Variants in FAM185A observed in about 807,000 individuals in gnomAD.
FAM185A encodes the protein family with sequence similarity 185 member A.
A neutral mutation model predicts 45.7 loss-of-function variants in FAM185A; 21 were observed. That is an observed-to-expected ratio of 0.46 (90% CI 0.33 to 0.66). The LOEUF (loss-of-function observed/expected upper bound fraction) is 0.66. Ranked by LOEUF, FAM185A falls within the 30% of genes least tolerant of loss-of-function variation. FAM185A has a pLI of 0.03. For missense variants in FAM185A, 305 were observed against 485.4 expected (o/e 0.63, Z 3.49); for synonymous variants, 117 against 194.0 (o/e 0.60, Z 3.30).
chr7:102,795,709 C>A (rs1796405109), intron 7 of FAM185A, among the ~76,000 whole-genome samples: 1 of 151,794 alleles, frequency 6.6e-6, no homozygotes, highest in Non-Finnish European at 1.5e-5. Context: ...TCCCACCAGA[C>A]TGGAAAGAAA....
chr7:102,827,643 A>G, the FAM185A span, among the ~76,000 whole-genome samples: 10 of 151,886 alleles, frequency 6.6e-5, no homozygotes, highest in African/African-American at 2.4e-4. Flanking sequence ...ATCATTTAAC[A>G]TTAGGTATAT....
chr7:102,759,522 A>G (rs1318488724), intron 3 of FAM185A, among the ~76,000 whole-genome samples: 1 of 152,076 alleles, frequency 6.6e-6, no homozygotes, highest in East Asian at 1.9e-4. Flanking sequence ...TACTTGTGAA[A>G]TCTATTAACT....
At chr7:102,826,952 A>G in the FAM185A span, 4 of 297,956 alleles carry the variant, frequency 1.3e-5, no homozygotes, top group Non-Finnish European at 1.5e-5. Context: ...CTATCGTATT[A>G]TTTTCATTTA....
intron 6 of FAM185A, among the ~76,000 whole-genome samples, chr7:102,779,444 C>CAG (rs1386941298): frequency 1.3e-5 from 2 of 152,142 alleles, no homozygotes; most frequent in Non-Finnish European, 2.9e-5. Flanking sequence ...CATTTAAGGA[C>CAG]AGAGACAAGT....
the FAM185A span, among the ~76,000 whole-genome samples, chr7:102,834,203 TA>T: frequency 6.6e-6 from 1 of 151,010 alleles, no homozygotes; most frequent in African/African-American, 2.4e-5. Flanking sequence ...AGAATTATTA[TA>T]ATTATCTACA....
At chr7:102,764,124 T>C (rs1794252018) in intron 4 of FAM185A, among the ~76,000 whole-genome samples, 1 of 151,884 alleles carries the variant, frequency 6.6e-6, no homozygotes, top group Non-Finnish European at 1.5e-5. Context: ...TTTCAAATTA[T>C]AGTTACTTTC....
Position 102,749,169 on chromosome 7 carries a change from T to A in FAM185A, c.-39T>A. ...TGGCCGTGGCAAGTGACCCTCCCTG[T>A]GGCTGAAGTGTTCTGAGGACTGGCG... On this transcript the variant is annotated 5_prime_UTR_variant, in exon 1 of 8. Coordinates refer to ENST00000413034, the MANE Select transcript of FAM185A (RefSeq NM_001145268.2). 1.9e-6 allele frequency: 3 copies of A among 1,551,056 alleles called. No individual in the cohort carries two copies. Among genetic ancestry groups the A allele is most frequent in the Non-Finnish European group, 2.6e-6 (3 of 1,146,864 alleles).
At position 102,782,490 on chromosome 7, in the gene FAM185A, A is replaced by C. The variant is rs1299185603; in HGVS notation, c.932-4845A>C. On this transcript the variant is annotated intron_variant, in intron 6 of 7. Coordinates refer to ENST00000413034, the MANE Select transcript of FAM185A (RefSeq NM_001145268.2). ...TACAAGCCAGAAGTGAGTGGGGGCC[A>C]ATATTCAACGTTCTTAAAGAAAAGA... Among the ~76,000 whole-genome samples, 3 of 152,220 alleles carry C rather than the reference A, an allele frequency of 2.0e-5. No homozygotes were observed. In the East Asian group the frequency reaches 5.8e-4, roughly 29 times the overall value.
chr7:102,751,451 TGTTA>T (rs1793357206), intron 1 of FAM185A, among the ~76,000 whole-genome samples: 1 of 151,978 alleles, frequency 6.6e-6, no homozygotes, highest in African/African-American at 2.4e-5. Flanking sequence ...TTCCCATCTA[TGTTA>T]GTTCTCTTTA....
At chr7:102,839,400 C>G in the FAM185A span, among the ~76,000 whole-genome samples, 1 of 152,170 alleles carries the variant, frequency 6.6e-6, no homozygotes, top group African/African-American at 2.4e-5. Flanking sequence ...TCCCCTGGGC[C>G]CACTGTTCTT....
chr7:102,751,461 CTT>C (rs1420719431), intron 1 of FAM185A, among the ~76,000 whole-genome samples: 4 of 151,968 alleles, frequency 2.6e-5, no homozygotes, highest in African/African-American at 9.7e-5. Flanking sequence ...TGTTAGTTCT[CTT>C]TAGGTGATTT....
chr7:102,802,108 C>G (rs1422375655), intron 7 of FAM185A, among the ~76,000 whole-genome samples: 1 of 152,112 alleles, frequency 6.6e-6, no homozygotes, highest in Non-Finnish European at 1.5e-5. Flanking sequence ...CTTCATTACT[C>G]CACTGACAGC....
intron 3 of FAM185A, among the ~76,000 whole-genome samples, chr7:102,760,999 A>G (rs1794078220): frequency 6.6e-6 from 1 of 152,246 alleles, no homozygotes; most frequent in South Asian, 2.1e-4. Flanking sequence ...AATCTAATAA[A>G]AGATTAAGAA....
At chr7:102,757,191 T>C (rs934735073) in intron 2 of FAM185A, among the ~76,000 whole-genome samples, 7 of 150,962 alleles carry the variant, frequency 4.6e-5, no homozygotes, top group Non-Finnish European at 7.4e-5. Flanking sequence ...TGTGTTGTGC[T>C]AGAAGGTTTA....
chr7:102,801,108 G>C (rs991122993), intron 7 of FAM185A, among the ~76,000 whole-genome samples: 2 of 152,154 alleles, frequency 1.3e-5, no homozygotes, highest in African/African-American at 2.4e-5. Context: ...TATCAGCCAA[G>C]AATTTTGTAT....
downstream of FAM185A, chr7:102,813,504 T>A (rs1201003974): frequency 1.2e-6 from 2 of 1,613,958 alleles, no homozygotes; most frequent in African/African-American, 2.7e-5. Context: ...GCTGCTGAAC[T>A]TTAGATGACA....
chr7:102,818,307 G>A, the FAM185A span, among the ~76,000 whole-genome samples: 8 of 152,238 alleles, frequency 5.3e-5, no homozygotes, highest in East Asian at 1.3e-3. Flanking sequence ...GTATGATTAA[G>A]ACCTAGGTAC....
Position 102,749,237 on chromosome 7 carries a change from T to C in FAM185A, c.30T>C (p.Leu10=). The change falls in exon 1 of 8, where the codon CTT becomes CTC. Residue 10 remains leucine, a synonymous_variant. Transcript: ENST00000413034. MLAPCSGWE[L]GCFRLCLRQV... is the part of the protein sequence containing the mutation. ...TTGCCCCCTGCTCAGGTTGGGAGCT[T>C]GGCTGCTTCCGTCTCTGTCTCCGTC... 1 of 1,551,088 alleles carries C rather than the reference T, an allele frequency of 6.4e-7. No individual in the cohort carries two copies. The highest frequency in any genetic ancestry group is 8.7e-7 in the Non-Finnish European group (1 of 1,146,866).
chr7:102,824,785 CT>C, the FAM185A span, among the ~76,000 whole-genome samples: 192 of 124,062 alleles, frequency 1.5e-3, no homozygotes, highest in Admixed American at 3.9e-3. Context: ...CATGCCCGGC[CT>C]TTTTTTTTTT....
Sources: gnomAD v4.1 joint callset for allele counts (sites outside exome capture counted in the v4.1 genomes callset) on GRCh38, gnomAD v4.1.1 for gene constraint, MANE v1.5 for transcripts, NCBI Gene and HGNC (gene_info 2026-07-23, HGNC 2026-07-21) for gene names.